Variants in SIM1 observed in about 807,000 individuals in gnomAD.
SIM1 encodes the protein SIM bHLH transcription factor 1, also known as single-minded homolog 1.
A neutral mutation model predicts 78.2 loss-of-function variants in SIM1; 18 were observed. That is an observed-to-expected ratio of 0.23 (90% confidence interval 0.16 to 0.34). The LOEUF is 0.34. Ranked by LOEUF, SIM1 falls within the 10% of genes least tolerant of loss-of-function variation. The pLI, the probability that SIM1 is intolerant of heterozygous loss-of-function variation, is 1.00. For missense variants in SIM1, 939 were observed against 975.1 expected, an observed-to-expected ratio of 0.96 and a Z score of 0.49; for synonymous variants, 417 against 385.2, an observed-to-expected ratio of 1.08 and a Z score of -0.97.
intron 8 of SIM1, 113 bp downstream of exon 8, chr6:100,448,033 G>C: frequency 1.3e-6 from 1 of 790,768 alleles, no homozygotes; most frequent in Non-Finnish European, 2.0e-6. Context: ...CCACCACCCG[G>C]CTCCCTGGGC....
At chr6:100,455,957 C>A (rs1772641943) in intron 2 of SIM1, among the ~76,000 whole-genome samples, 2 of 152,168 alleles carry the variant, frequency 1.3e-5, no homozygotes, top group African/African-American at 4.8e-5. Flanking sequence ...CATTAGTATG[C>A]GCCTACGAGG....
chr6:100,426,138 T>G (rs1278242185), intron 9 of SIM1, among the ~76,000 whole-genome samples: 1 of 152,206 alleles, frequency 6.6e-6, no homozygotes, highest in Non-Finnish European at 1.5e-5. Flanking sequence ...CTCCCTTCAA[T>G]GATTTGTAGA....
intron 10 of SIM1, among the ~76,000 whole-genome samples, chr6:100,414,717 A>G (rs1582623190): frequency 1.3e-5 from 2 of 152,356 alleles, no homozygotes; most frequent in East Asian, 1.9e-4. Context: ...AGCTATACCA[A>G]TAGAAGTGCT....
Position 100,387,531 on chromosome 6 carries a change from AAAAAATGTAAGCTATACAAT to A in SIM1, c.*2810_*2829del, listed in dbSNP as rs1356504083. The A allele has an allele frequency of 1.3e-5, 2 of 152,198 alleles. No individual in the cohort carries two copies. Among genetic ancestry groups the A allele is most frequent in the African/African-American group, 4.8e-5 (2 of 41,558 alleles). 9.4% of individuals were successfully genotyped at this position (152,198 alleles called of 1,614,324 possible). ...TTTTGTGATAATCATGCCATATTGC[AAAAAATGTAAGCTATACAAT>A]ATAGTGAGTCAATATGACATTTTAT... On this transcript the variant is annotated 3_prime_UTR_variant, in exon 12 of 12. Coordinates refer to ENST00000369208, the MANE Select transcript of SIM1 (RefSeq NM_005068.3).
chr6:100,451,046 A>G (rs1562256344), intron 3 of SIM1, among the ~76,000 whole-genome samples: 1 of 152,188 alleles, frequency 6.6e-6, no homozygotes, highest in African/African-American at 2.4e-5. Context: ...CACTGTCTCT[A>G]TCTCTGTGAA....
intron 2 of SIM1, chr6:100,462,861 T>C (rs1013155466): frequency 6.4e-6 from 1 of 156,156 alleles, no homozygotes; most frequent in Admixed American, 6.5e-5. Flanking sequence ...TTATCTGGCC[T>C]ATCTAGCTCC....
chr6:100,390,201 G>T lies in SIM1; in HGVS notation c.*160C>A. 2.7e-6 allele frequency: 2 copies of T among 751,074 alleles called. No individual in the cohort carries two copies. Among genetic ancestry groups the T allele is most frequent in the Non-Finnish European group, 4.2e-6 (2 of 473,034 alleles). The allele number at this position is 751,074 out of a possible 1,614,324, so 46.5% of individuals were successfully genotyped here. On this transcript the variant is annotated 3_prime_UTR_variant, in exon 12 of 12. Coordinates refer to ENST00000369208, the MANE Select transcript of SIM1 (RefSeq NM_005068.3). ...TTTCTGTGTATAACCCTGAATGCTA[G>T]TGCTATGTTTTCTTTGATTTTATAG...
chr6:100,432,284 G>C (rs190998233), intron 9 of SIM1, among the ~76,000 whole-genome samples: 8 of 152,266 alleles, frequency 5.3e-5, no homozygotes, highest in African/African-American at 1.9e-4. Flanking sequence ...TTAACACACA[G>C]CTTGCTGGGC....
At chr6:100,452,804 G>C (rs1026086325) in intron 3 of SIM1, among the ~76,000 whole-genome samples, 7 of 152,152 alleles carry the variant, frequency 4.6e-5, no homozygotes, top group African/African-American at 1.7e-4. Flanking sequence ...GTCAGTGAGA[G>C]AATGCTTGCC....
Position 100,439,698 on chromosome 6 carries a change from T to C in SIM1, c.998+7570A>G, listed in dbSNP as rs943140732. 1.4e-4 allele frequency among the ~76,000 whole-genome samples: 21 copies of C among 152,180 alleles called. 1 individual carries two copies. Among genetic ancestry groups the C allele is most frequent in the African/African-American group, 5.1e-4 (21 of 41,450 alleles). ...TTTTATGCACATTAAATTATAACTA[T>C]TGGTAAAGTTGACAAAACACTGATT... On this transcript the variant is annotated intron_variant, in intron 9 of 11. Coordinates refer to ENST00000369208, the MANE Select transcript of SIM1 (RefSeq NM_005068.3).
intron 11 of SIM1, 120 bp downstream of exon 11, chr6:100,393,367 T>C: frequency 1.1e-6 from 1 of 909,686 alleles, no homozygotes; most frequent in South Asian, 3.6e-5. Context: ...TTAATCCCAT[T>C]GGTTCTGATT....
At chr6:100,447,913 A>G (rs1772403749) in intron 8 of SIM1, among the ~76,000 whole-genome samples, 1 of 152,212 alleles carries the variant, frequency 6.6e-6, no homozygotes. Context: ...GGGGCGGGGG[A>G]CGTATTTCGC....
At chr6:100,412,742 A>AGAAAGAAAGAAAGAAAGAAG (rs1771284104) in intron 10 of SIM1, among the ~76,000 whole-genome samples, 3 of 141,730 alleles carry the variant, frequency 2.1e-5, no homozygotes, top group African/African-American at 7.8e-5. Flanking sequence ...AAAGAAAGAA[A>AGAAAGAAAGAAAGAAAGAAG]GAAAGAAAGA....
At chr6:100,456,924 A>C (rs1194097637) in intron 2 of SIM1, among the ~76,000 whole-genome samples, 2 of 152,210 alleles carry the variant, frequency 1.3e-5, no homozygotes, top group Admixed American at 6.5e-5. Flanking sequence ...GATTTATAAA[A>C]CAAGAAACCA....
intron 9 of SIM1, among the ~76,000 whole-genome samples, chr6:100,439,568 A>G (rs1772152387): frequency 6.6e-6 from 1 of 152,154 alleles, no homozygotes; most frequent in Non-Finnish European, 1.5e-5. Flanking sequence ...GCAATCTGCT[A>G]TACTCTGTGA....
intron 9 of SIM1, 93 bp from the exon 10 acceptor site, chr6:100,421,051 A>G: frequency 7.3e-7 from 1 of 1,371,358 alleles, no homozygotes; most frequent in African/African-American, 1.5e-5. Context: ...CCGAATTTGA[A>G]AAGAAGGCAA....
At chr6:100,448,457 CT>C (rs769255246) in intron 7 of SIM1, 21 bp downstream of exon 7, 2 of 1,611,220 alleles carry the variant, frequency 1.2e-6, no homozygotes, top group Non-Finnish European at 1.7e-6. Context: ...AGGAGAGGCC[CT>C]TTCCGGCCCT....
chr6:100,451,095 C>T (rs1772502983), intron 3 of SIM1, among the ~76,000 whole-genome samples: 1 of 152,128 alleles, frequency 6.6e-6, no homozygotes. Flanking sequence ...GGAGTCAGAC[C>T]CTGCTTTCAA....
At position 100,449,438 on chromosome 6, in the gene SIM1, G is replaced by A; in HGVS notation, c.468C>T (p.Ile156=). ...TCATCCTCAGGAAGAAGGAGCGCTC[G>A]ATCTCATACTCTGGGAGAGAGGAAC... ...YHSHFVQEYE[I]ERSFFLRMKC... Residue 156 remains isoleucine (I), a synonymous_variant, in exon 6 of 12, where the codon ATC becomes ATT. Transcript: ENST00000369208. 1.2e-6 allele frequency: 2 copies of A among 1,613,890 alleles called. No homozygotes were observed. The highest frequency in any genetic ancestry group is 1.7e-6 in the Non-Finnish European group (2 of 1,179,784).
Sources: allele counts gnomAD v4.1 joint callset (sites outside exome capture counted in the v4.1 genomes callset), GRCh38; gene constraint gnomAD v4.1.1; transcripts MANE v1.5; gene names NCBI Gene and HGNC (gene_info 2026-07-23, HGNC 2026-07-21).